Variants in SGCZ observed in about 807,000 individuals in gnomAD.
SGCZ encodes zeta-sarcoglycan.
A neutral mutation model predicts 41.3 loss-of-function variants in SGCZ; 40 were observed. The observed-to-expected ratio is 0.97, with a 90% CI of 0.75 to 1.26. The LOEUF (loss-of-function observed/expected upper bound fraction) is 1.26, where lower values mean the gene tolerates loss of function less well. Ranked by LOEUF, SGCZ falls within the 50% of genes most tolerant of loss-of-function variation. The pLI is 0.00. For synonymous variants in SGCZ, 206 were observed against 137.5 expected (o/e 1.50, Z -3.49); for missense variants, 552 against 369.8 (o/e 1.49, Z -4.04).
rs539272171 is a variant in SGCZ at position 15,003,060 on chromosome 8, C to T, written c.39+234525G>A. ...TTCACTTTTCGCCGTGATTGTGAGG[C>T]CTCCCCAGCCTCACAATCATGGCAA... On this transcript the variant is annotated intron_variant, in intron 1 of 7. Coordinates refer to ENST00000382080, the MANE Select transcript of SGCZ (RefSeq NM_139167.4). Among the ~76,000 whole-genome samples, 5 of 152,094 alleles carry T rather than the reference C, an allele frequency of 3.3e-5. No homozygotes were observed. In the South Asian group the frequency reaches 8.3e-4, roughly 25 times the overall value.
At chr8:14,246,430 A>G (rs1799092589) in intron 3 of SGCZ, among the ~76,000 whole-genome samples, 1 of 149,820 alleles carries the variant, frequency 6.7e-6, no homozygotes, top group African/African-American at 2.5e-5. Flanking sequence ...GGAACATGAC[A>G]CTCTGGGGAC....
At chr8:14,758,465 T>G (rs7016109) in intron 1 of SGCZ, among the ~76,000 whole-genome samples, 4,623 of 152,272 alleles carry the variant, frequency 0.03, 115 homozygotes, top group South Asian at 0.061. Flanking sequence ...ACAATTACTG[T>G]TAGAAGCTAC....
rs911971566 is a variant in SGCZ, at chr8:14,310,039, GA to G, written c.336+14063del. The stretch of plus-strand genomic sequence containing the variant: ...AACTTGGCATTTCTATACTTTACAG[GA>G]AAAAAAAATTCTGTTGTTCCATTGT... On this transcript the variant is annotated intron_variant, in intron 3 of 7. Transcript: ENST00000382080. 4.6e-5 allele frequency among the ~76,000 whole-genome samples: 7 copies of G among 151,234 alleles called. No homozygotes were observed. The East Asian group carries it at 5.8e-4, about 13-fold the overall frequency.
chr8:14,853,883 T>C (rs113189895), intron 1 of SGCZ, among the ~76,000 whole-genome samples: 1,717 of 151,910 alleles, frequency 0.011, 31 homozygotes, highest in African/African-American at 0.04. Context: ...GACTACAGCT[T>C]ATCCTAAGCC....
chr8:14,595,100 AAAT>A (rs2117295918), intron 1 of SGCZ, among the ~76,000 whole-genome samples: 1 of 150,364 alleles, frequency 6.7e-6, no homozygotes, highest in Admixed American at 6.6e-5. Context: ...TATCACCTCA[AAAT>A]TGTATTAACA....
chr8:14,529,740 T>A (rs1378810374), intron 2 of SGCZ, among the ~76,000 whole-genome samples: 2 of 152,156 alleles, frequency 1.3e-5, no homozygotes, highest in Non-Finnish European at 2.9e-5. Flanking sequence ...AACTACTGTA[T>A]GTCTATCTTC....
intron 1 of SGCZ, among the ~76,000 whole-genome samples, chr8:14,937,912 T>C (rs538329134): frequency 6.6e-6 from 1 of 152,236 alleles, no homozygotes; most frequent in East Asian, 1.9e-4. Context: ...ATATAAGACA[T>C]TGGATATAAT....
At chr8:14,566,267 T>A (rs1241221822) in intron 1 of SGCZ, among the ~76,000 whole-genome samples, 4 of 152,236 alleles carry the variant, frequency 2.6e-5, no homozygotes, top group Admixed American at 2.6e-4. Context: ...AGAAAAAAGA[T>A]AAGCCCGAAT....
At chr8:14,592,148 G>T (rs1356668302) in intron 1 of SGCZ, among the ~76,000 whole-genome samples, 3 of 152,042 alleles carry the variant, frequency 2.0e-5, no homozygotes, top group Non-Finnish European at 4.4e-5. Flanking sequence ...CTATAAATCA[G>T]TTGTTTTTCA....
intron 5 of SGCZ, among the ~76,000 whole-genome samples, chr8:14,136,720 C>T (rs920372526): frequency 3.3e-5 from 5 of 152,302 alleles, no homozygotes; most frequent in African/African-American, 1.2e-4. Flanking sequence ...CCTCTGGGGG[C>T]AGGACATAGC....
intron 2 of SGCZ, among the ~76,000 whole-genome samples, chr8:14,469,585 G>A (rs918860286): frequency 1.4e-4 from 21 of 151,888 alleles, no homozygotes; most frequent in Non-Finnish European, 2.4e-4. Flanking sequence ...CTCTTTGTAC[G>A]CTACTGATGG....
chr8:14,239,901 C>CAAAAAAAAAAAAA (rs71209029), intron 3 of SGCZ, among the ~76,000 whole-genome samples: 1 of 41,374 alleles, frequency 2.4e-5, no homozygotes, highest in African/African-American at 2.3e-4. Flanking sequence ...GACTCCGTCT[C>CAAAAAAAAAAAAA]AAAAAAAAAA....
intron 2 of SGCZ, among the ~76,000 whole-genome samples, chr8:14,395,894 T>C (rs960388054): frequency 2.0e-5 from 3 of 152,228 alleles, no homozygotes; most frequent in Admixed American, 6.5e-5. Context: ...ATCTGTTCGC[T>C]TCTCAATAAA....
chr8:14,740,923 C>T (rs191291603), intron 1 of SGCZ, among the ~76,000 whole-genome samples: 1 of 152,120 alleles, frequency 6.6e-6, no homozygotes, highest in African/African-American at 2.4e-5. Context: ...ACATGGATAA[C>T]TCAGGATAAA....
At chr8:14,389,579 G>A (rs959733624) in intron 2 of SGCZ, among the ~76,000 whole-genome samples, 3 of 151,660 alleles carry the variant, frequency 2.0e-5, no homozygotes, top group African/African-American at 7.3e-5. Context: ...ACTCTAATCA[G>A]GGTGAAAAAT....
At chr8:15,233,375 A>C (rs1802020077) in intron 1 of SGCZ, among the ~76,000 whole-genome samples, 1 of 151,610 alleles carries the variant, frequency 6.6e-6, no homozygotes, top group East Asian at 1.9e-4. Context: ...AATTCTTTTA[A>C]GTGCCAACTC....
rs142340351 is a variant in SGCZ at position 14,965,273 on chromosome 8, A to G, written c.39+272312T>C. On this transcript the variant is annotated intron_variant, in intron 1 of 7. Transcript: ENST00000382080. The stretch of plus-strand genomic sequence containing the variant: ...GTGCCACCCAAATCTGGTCCAGTCA[A>G]ACTGGTAGGTGCGATGTTTAACCTC... Among the ~76,000 whole-genome samples the G allele has an allele frequency of 1.1e-3, 165 of 152,228 alleles. 1 individual carries two copies. Among genetic ancestry groups the G allele is most frequent in the African/African-American group, 3.9e-3 (162 of 41,546 alleles).
At chr8:14,587,791 T>C (rs1805108943) in intron 1 of SGCZ, among the ~76,000 whole-genome samples, 2 of 152,298 alleles carry the variant, frequency 1.3e-5, no homozygotes, top group South Asian at 4.1e-4. Flanking sequence ...CAAAAAGTCT[T>C]CTTTTTAACA....
chr8:14,715,024 G>A (rs1434507022), intron 1 of SGCZ, among the ~76,000 whole-genome samples: 2 of 152,094 alleles, frequency 1.3e-5, no homozygotes, highest in African/African-American at 4.8e-5. Context: ...CCTAAGGATA[G>A]CAGTTGAGAG....
Sources: allele counts gnomAD v4.1 joint callset (sites outside exome capture counted in the v4.1 genomes callset), GRCh38; gene constraint gnomAD v4.1.1; transcripts MANE v1.5; gene names NCBI Gene and HGNC (gene_info 2026-07-23, HGNC 2026-07-21).